MTA2: variants seen among roughly 807,000 people sequenced by gnomAD.
MTA2 encodes metastasis associated 1 family member 2.
A neutral mutation model predicts 87.1 loss-of-function variants in MTA2; 22 were observed. The ratio of observed to expected loss-of-function variants is 0.25; its 90% CI spans 0.18 to 0.36. The LOEUF (loss-of-function observed/expected upper bound fraction) is 0.36. MTA2 is among the 10% of genes least tolerant of loss of function. MTA2 has a pLI of 1.00. For missense variants in MTA2, 542 were observed against 853.2 expected, an observed-to-expected ratio of 0.64 and a Z score of 4.54; for synonymous variants, 314 against 310.1, an observed-to-expected ratio of 1.01 and a Z score of -0.13.
intron 1 of MTA2, 52 bp downstream of exon 1, chr11:62,601,371 C>T: frequency 6.2e-7 from 1 of 1,601,060 alleles, no homozygotes; most frequent in Non-Finnish European, 8.5e-7. Flanking sequence ...CCTCAGGTCC[C>T]TACCCCAACC....
Position 62,595,430 on chromosome 11 carries a change from G to A in MTA2, c.1317C>T (p.Thr439=). The A allele has an allele frequency of 1.2e-6, 2 of 1,614,232 alleles. No homozygotes were observed. Among genetic ancestry groups the A allele is most frequent in the Non-Finnish European group, 1.7e-6 (2 of 1,180,042 alleles). Residue 439 remains threonine, a synonymous_variant, in exon 14 of 18, where the codon ACC becomes ACT. Transcript: ENST00000278823. This position sits in a 1 kb window ranked among gnomAD's most constrained non-coding sequence, Gnocchi z 4.9. ...PEAQSLSPYT[T]SANRAKLLAK... ...CCAGTAGCTTGGCCCTGTTGGCGCT[G>A]GTTGTGTAAGGAGAGAGACTTTGAG...
chr11:62,600,505 G>A, intron 2 of MTA2, 117 bp downstream of exon 2: 1 of 998,074 alleles, frequency 1.0e-6, no homozygotes, highest in South Asian at 1.6e-5. Flanking sequence ...TACATCCAAT[G>A]AATGAATGAA....
rs751335786 is a variant in MTA2, at chr11:62,595,401, T to G, written c.1346A>C (p.Lys449Thr). Reference sequence around the variant, plus strand: ...CTGAAGCAGGAAAGTTTGTCTGTTCTTAGCCAGTAGCTTGGCCCTGTTGGC... The same window carrying G: ...CTGAAGCAGGAAAGTTTGTCTGTTCGTAGCCAGTAGCTTGGCCCTGTTGGC... Reference protein sequence around the residue: ...TSANRAKLLAKNRQTFLLQTT... With the variant: ...TSANRAKLLATNRQTFLLQTT... Residue 449 changes from lysine to threonine, a missense_variant, in exon 14 of 18, where the codon AAG becomes ACG. Lys to Thr is a moderately conservative substitution (Grantham distance 78). This residue lies in a region of MTA2 where 269 missense variants were observed against 346.4 expected (regional missense o/e 0.78). Coordinates refer to ENST00000278823, the MANE Select transcript of MTA2 (RefSeq NM_004739.4). This position sits in a 1 kb window ranked among gnomAD's most constrained non-coding sequence, Gnocchi z 4.9. 1 of 1,614,248 alleles carries G rather than the reference T, an allele frequency of 6.2e-7. No individual in the cohort carries two copies. The highest frequency in any genetic ancestry group is 1.7e-5 in the Admixed American group (1 of 60,032).
Position 62,601,654 on chromosome 11 carries a change from C to G in MTA2, c.-204G>C. On this transcript the variant is annotated 5_prime_UTR_variant, in exon 1 of 18. Coordinates refer to ENST00000278823, the MANE Select transcript of MTA2 (RefSeq NM_004739.4). ...TCGCCGCCGCAGCTATCGCCTCACTCCCGGGACGCTGAGGCTGGCCCCCGT... is the reference window on the plus strand; with the variant it reads ...TCGCCGCCGCAGCTATCGCCTCACTGCCGGGACGCTGAGGCTGGCCCCCGT... 1 of 570,868 alleles carries G rather than the reference C, an allele frequency of 1.8e-6. No individual in the cohort carries two copies. Among genetic ancestry groups the G allele is most frequent in the Non-Finnish European group, 3.0e-6 (1 of 337,178 alleles). The allele number at this position is 570,868 out of a possible 1,614,324, so 35.4% of individuals were successfully genotyped here.
At position 62,594,601 on chromosome 11, in the gene MTA2, C is replaced by T. The variant is rs768452845; in HGVS notation, c.1607G>A (p.Arg536Gln). The T allele has an allele frequency of 3.7e-6, 6 of 1,614,056 alleles. No homozygotes were observed. Among genetic ancestry groups the T allele is most frequent in the South Asian group, 2.2e-5 (2 of 91,072 alleles). Reference protein sequence around the residue: ...AQAPLKPKTPRGTKTPINRNQ... With the variant: ...AQAPLKPKTPQGTKTPINRNQ... ...TCTGTTGATCGGTGTCTTGGTACCC[C>T]GAGGTGTTTTTGGTTTCAGGGGTGC... is the stretch of plus-strand genomic sequence containing the variant. Residue 536 changes from arginine (R) to glutamine (Q), a missense_variant, in exon 16 of 18, where the codon CGG becomes CAG. Around this residue, in one of 6 missense-constraint regions of MTA2, gnomAD observed 269 missense variants for 346.4 expected, o/e 0.78. Coordinates refer to ENST00000278823, the MANE Select transcript of MTA2 (RefSeq NM_004739.4).
chr11:62,594,781 T>C (rs1378429180), intron 15 of MTA2, 147 bp from the exon 16 acceptor site: 1 of 872,718 alleles, frequency 1.1e-6, no homozygotes, highest in Non-Finnish European at 1.8e-6. Flanking sequence ...TCACTAGTAT[T>C]TCAAATATCA....
At chr11:62,597,741 G>A (rs1318274833) in intron 6 of MTA2, 29 bp from the exon 7 acceptor site, 9 of 1,582,070 alleles carry the variant, frequency 5.7e-6, no homozygotes, top group Non-Finnish European at 6.9e-6. Flanking sequence ...GCATCAACAG[G>A]GAGAGGGCAG....
In MTA2 at chr11:62,595,279, C is replaced by T. The variant is rs1194984970; in HGVS notation, c.1468G>A (p.Ala490Thr). The T allele has an allele frequency of 6.2e-7, 1 of 1,614,180 alleles. No individual in the cohort carries two copies. Among genetic ancestry groups the T allele is most frequent in the Non-Finnish European group, 8.5e-7 (1 of 1,180,008 alleles). ...RRPYAPINAN[A>T]IKAECSIRLP... Reference sequence around the variant, plus strand: ...CTGCCCTTACACTCTGCTTTGATGGCATTGGCATTGATAGGAGCATAAGGC... The same window carrying T: ...CTGCCCTTACACTCTGCTTTGATGGTATTGGCATTGATAGGAGCATAAGGC... The change falls in exon 14 of 18, where the codon GCC (alanine) becomes ACC (threonine). Residue 490 changes from alanine to threonine, a missense_variant. Ala to Thr is a moderately conservative substitution (Grantham distance 58, BLOSUM62 0). Around this residue, in one of 6 missense-constraint regions of MTA2, gnomAD observed 269 missense variants for 346.4 expected, o/e 0.78. Transcript: ENST00000278823. The surrounding 1 kb of genome is among the most constrained non-coding windows in gnomAD (Gnocchi z 4.9).
intron 5 of MTA2, 57 bp downstream of exon 5, chr11:62,598,270 T>C: frequency 6.3e-7 from 1 of 1,589,146 alleles, no homozygotes; most frequent in South Asian, 1.1e-5. Context: ...CCTTTCCCCC[T>C]CTCTTTTGCG....
rs778801158 is a variant in MTA2, at chr11:62,595,057, A to T, written c.1497T>A (p.Leu499=). The T allele has an allele frequency of 6.2e-7, 1 of 1,614,156 alleles. No individual in the cohort carries two copies. The change falls in exon 15 of 18, where the codon CTT becomes CTA. Residue 499 remains leucine (L), a synonymous_variant. Transcript: ENST00000278823. This position sits in a 1 kb window ranked among gnomAD's most constrained non-coding sequence, Gnocchi z 4.9. ...TCAATGGAGTCTTGGCGGCCTTAGG[A>T]AGTCGAATGGAGCCTGGAGAACAAA... ...NAIKAECSIR[L]PKAAKTPLKI... is the part of the protein sequence containing the mutation.
intron 17 of MTA2, 30 bp downstream of exon 17, chr11:62,594,229 T>C: frequency 1.9e-6 from 3 of 1,613,642 alleles, no homozygotes; most frequent in South Asian, 2.2e-5. Flanking sequence ...GGACTGTCCC[T>C]CTCAGCCCCT....
At chr11:62,597,775 AT>A in intron 6 of MTA2, 63 bp from the exon 7 acceptor site, 2 of 1,325,738 alleles carry the variant, frequency 1.5e-6, no homozygotes, top group South Asian at 2.5e-5. Context: ...GTGTCTTTTC[AT>A]TCACAATAGC....
At position 62,593,654 on chromosome 11, in the gene MTA2, C is replaced by A; in HGVS notation, c.*221G>T. 1 of 555,218 alleles carries A rather than the reference C, an allele frequency of 1.8e-6. No individual in the cohort carries two copies. Among genetic ancestry groups the A allele is most frequent in the Admixed American group, 3.5e-5 (1 of 28,938 alleles). The allele number at this position is 555,218 out of a possible 1,614,324, so 34.4% of individuals were successfully genotyped here. A position where few individuals can be genotyped will look rare whatever the true frequency, so the allele number is the denominator to read the frequency against. Reference sequence around the variant, plus strand: ...AAAACAGGCTAGGTTCCCACATGGGCCAAGTTCCTGCAGTCTGTCCTCCAT... The same window carrying A: ...AAAACAGGCTAGGTTCCCACATGGGACAAGTTCCTGCAGTCTGTCCTCCAT... On this transcript the variant is annotated 3_prime_UTR_variant, in exon 18 of 18. Transcript: ENST00000278823.
chr11:62,597,550 G>A (rs1942116003), intron 7 of MTA2, 60 bp downstream of exon 7: 2 of 1,530,360 alleles, frequency 1.3e-6, no homozygotes, highest in South Asian at 1.1e-5. Context: ...AAGAACCATG[G>A]GACTCAGAAC....
At chr11:62,597,482 A>T in intron 7 of MTA2, 67 bp from the exon 8 acceptor site, 1 of 1,534,440 alleles carries the variant, frequency 6.5e-7, no homozygotes, top group East Asian at 2.2e-5. Flanking sequence ...TGGGAAATTA[A>T]GCCAAAGGAG....
Position 62,598,023 on chromosome 11 carries a change from C to T in MTA2, c.490+1G>A, listed in dbSNP as rs765463519. On this transcript the variant is annotated splice_donor_variant, in intron 6 of 17. Transcript: ENST00000278823. LOFTEE classifies it high-confidence loss of function. ...CCGTACAGTCTTGTCCTGTTGCTTA[C>T]CCTCTACTAGGCGATCTGGGATCTC... The T allele has an allele frequency of 9.3e-6, 15 of 1,612,504 alleles. No homozygotes were observed. Among genetic ancestry groups the T allele is most frequent in the Admixed American group, 1.7e-5 (1 of 59,974 alleles).
intron 2 of MTA2, 180 bp downstream of exon 2, chr11:62,600,442 C>G (rs1245900670): frequency 1.2e-6 from 1 of 803,962 alleles, no homozygotes; most frequent in Admixed American, 2.8e-5. Flanking sequence ...TCCTTTGCCC[C>G]CAAGAGACAG....
chr11:62,598,796 T>C (rs1199399440), intron 3 of MTA2, among the ~76,000 whole-genome samples, 157 bp from the exon 4 acceptor site: 1 of 152,220 alleles, frequency 6.6e-6, no homozygotes, highest in Non-Finnish European at 1.5e-5. Flanking sequence ...CCAGCTTTCC[T>C]TCTTAGCTCT....
intron 5 of MTA2, 54 bp from the exon 6 acceptor site, chr11:62,598,195 G>C: frequency 6.3e-7 from 1 of 1,575,428 alleles, no homozygotes; most frequent in Non-Finnish European, 8.7e-7. Context: ...TAGGCGGCGG[G>C]GAGGGAGGTG....
Sources: allele counts gnomAD v4.1 joint callset (sites outside exome capture counted in the v4.1 genomes callset), GRCh38; gene constraint gnomAD v4.1.1; regional missense constraint gnomAD v4.1.1; non-coding constraint Gnocchi (gnomAD v3.1); transcripts MANE v1.5; gene names NCBI Gene and HGNC (gene_info 2026-07-23, HGNC 2026-07-21).